NLGN1: variants seen among roughly 807,000 people sequenced by gnomAD.
NLGN1 encodes the protein neuroligin 1.
NLGN1 carries 12 observed loss-of-function variants against 65.5 expected under a neutral mutation model. That is an observed-to-expected ratio of 0.18 (90% CI 0.12 to 0.30). The LOEUF is 0.30. Ranked by LOEUF, NLGN1 falls within the 10% of genes least tolerant of loss-of-function variation. The pLI, the probability that NLGN1 is intolerant of heterozygous loss-of-function variation, is 1.00. For missense variants in NLGN1, 750 were observed against 1,007.1 expected (o/e 0.74, Z 3.46); for synonymous variants, 350 against 359.5 (o/e 0.97, Z 0.30).
At chr3:174,001,733 AG>A (rs1348012837) in intron 4 of NLGN1, among the ~76,000 whole-genome samples, 3 of 152,144 alleles carry the variant, frequency 2.0e-5, no homozygotes, top group Non-Finnish European at 4.4e-5. Flanking sequence ...GCATATGGAA[AG>A]CATTGGTTAA....
At chr3:173,926,909 G>T (rs1326436497) in intron 4 of NLGN1, among the ~76,000 whole-genome samples, 1 of 152,140 alleles carries the variant, frequency 6.6e-6, no homozygotes, top group Non-Finnish European at 1.5e-5. Context: ...TGCCTGTAAT[G>T]ATCTTGGTAG....
At chr3:174,066,233 C>T (rs1738515560) in intron 4 of NLGN1, among the ~76,000 whole-genome samples, 1 of 151,728 alleles carries the variant, frequency 6.6e-6, no homozygotes, top group Non-Finnish European at 1.5e-5. Context: ...AGTTTATTTT[C>T]CTTATTTTCT....
At chr3:174,142,940 AC>A (rs1306180151) in intron 4 of NLGN1, among the ~76,000 whole-genome samples, 1 of 152,160 alleles carries the variant, frequency 6.6e-6, no homozygotes, top group East Asian at 1.9e-4. Context: ...GCCTCAGGAA[AC>A]TTACAATCAT....
chr3:173,508,043 G>A (rs1331464027), intron 2 of NLGN1, among the ~76,000 whole-genome samples: 1 of 152,156 alleles, frequency 6.6e-6, no homozygotes, highest in African/African-American at 2.4e-5. Flanking sequence ...TGTAAATGCT[G>A]TCTTCAGGAC....
intron 3 of NLGN1, among the ~76,000 whole-genome samples, chr3:173,708,323 C>T (rs898820466): frequency 5.3e-5 from 8 of 152,162 alleles, no homozygotes; most frequent in African/African-American, 1.9e-4. Flanking sequence ...GAAGGCCCCT[C>T]CCTTGTTGCC....
At chr3:173,646,563 T>C (rs1372278950) in intron 3 of NLGN1, among the ~76,000 whole-genome samples, 1 of 152,242 alleles carries the variant, frequency 6.6e-6, no homozygotes, top group African/African-American at 2.4e-5. Flanking sequence ...AATCTGATTG[T>C]ATCATTACAC....
intron 4 of NLGN1, among the ~76,000 whole-genome samples, chr3:174,181,688 G>A (rs1730437438): frequency 6.6e-6 from 1 of 151,896 alleles, no homozygotes; most frequent in African/African-American, 2.4e-5. Flanking sequence ...CAGCATTTTG[G>A]GAAGCCAAGG....
In NLGN1 at chr3:174,048,480, G is replaced by C. The variant is rs186052995; in HGVS notation, c.647-226835G>C. Among the ~76,000 whole-genome samples, 147 of 152,002 alleles carry C rather than the reference G, an allele frequency of 9.7e-4. 2 individuals carry two copies. In the Middle Eastern group the frequency reaches 0.017, roughly 18 times the overall value. On this transcript the variant is annotated intron_variant, in intron 4 of 6. Coordinates refer to ENST00000457714, the Ensembl canonical transcript of NLGN1. The stretch of plus-strand genomic sequence containing the variant: ...TGGTCACAGACAAGTTGACAGTTTT[G>C]CAAAAACTTTAAGGAGACAGTTGGA...
chr3:173,617,865 C>T (rs1211250666), intron 3 of NLGN1, among the ~76,000 whole-genome samples: 1 of 152,066 alleles, frequency 6.6e-6, no homozygotes, highest in Non-Finnish European at 1.5e-5. Context: ...CTATTTTAAT[C>T]TTTTTCTTCT....
intron 4 of NLGN1, among the ~76,000 whole-genome samples, chr3:174,166,523 T>C (rs1561200821): frequency 6.6e-6 from 1 of 152,128 alleles, no homozygotes; most frequent in Non-Finnish European, 1.5e-5. Context: ...TTTCTATTTT[T>C]ACTTCACCAT....
intron 3 of NLGN1, among the ~76,000 whole-genome samples, chr3:173,655,600 A>G (rs2149666741): frequency 6.6e-6 from 1 of 152,110 alleles, no homozygotes; most frequent in Admixed American, 6.6e-5. Context: ...TCAAACCTCT[A>G]GTTCTCTGTT....
chr3:173,830,870 T>C (rs984061711), intron 4 of NLGN1, among the ~76,000 whole-genome samples: 1 of 152,206 alleles, frequency 6.6e-6, no homozygotes, highest in Non-Finnish European at 1.5e-5. Context: ...GTACTTCTAA[T>C]ATAGATTTTT....
chr3:174,063,872 C>A (rs1183699250), intron 4 of NLGN1, among the ~76,000 whole-genome samples: 1 of 151,870 alleles, frequency 6.6e-6, no homozygotes, highest in Non-Finnish European at 1.5e-5. Context: ...AAAGCAGATC[C>A]TAAAGGATTA....
chr3:173,759,517 A>T lies in NLGN1; in HGVS notation c.494-48163A>T, dbSNP rs139621239. Among the ~76,000 whole-genome samples the T allele has an allele frequency of 6.1e-3, 935 of 152,086 alleles. 13 individuals are homozygous for T. Among genetic ancestry groups the T allele is most frequent in the African/African-American group, 0.021 (858 of 41,524 alleles). ...CACGTTTTCACATTGCTTTCTTAAA[A>T]ATCTGTGACAGCTATTTCTTTGAGC... is the stretch of plus-strand genomic sequence containing the variant. On this transcript the variant is annotated intron_variant, in intron 3 of 6. Coordinates refer to ENST00000457714, the Ensembl canonical transcript of NLGN1.
chr3:173,501,483 C>T (rs938339088), intron 2 of NLGN1, among the ~76,000 whole-genome samples: 4 of 151,944 alleles, frequency 2.6e-5, no homozygotes, highest in South Asian at 2.1e-4. Flanking sequence ...GAACTTTAAG[C>T]CCCAGAGACT....
intron 3 of NLGN1, among the ~76,000 whole-genome samples, chr3:173,793,810 A>T (rs1300934465): frequency 6.6e-6 from 1 of 152,092 alleles, no homozygotes; most frequent in Non-Finnish European, 1.5e-5. Flanking sequence ...TATTTCTGAG[A>T]ATGATTTTGC....
chr3:174,149,509 TTA>T (rs1261691511), intron 4 of NLGN1, among the ~76,000 whole-genome samples: 2 of 152,176 alleles, frequency 1.3e-5, no homozygotes, highest in African/African-American at 4.8e-5. Context: ...TCTCTAATGT[TTA>T]TGCTTTGTTC....
At chr3:174,047,082 T>C (rs535525439) in intron 4 of NLGN1, among the ~76,000 whole-genome samples, 2 of 152,104 alleles carry the variant, frequency 1.3e-5, no homozygotes, top group South Asian at 4.1e-4. Flanking sequence ...CTGCCTTAAG[T>C]TGCTATGTTT....
chr3:174,024,380 G>A (rs73042140), intron 4 of NLGN1, among the ~76,000 whole-genome samples: 180 of 152,180 alleles, frequency 1.2e-3, no homozygotes, highest in African/African-American at 4.1e-3. Flanking sequence ...GAGAACAATA[G>A]GAGTGCATCC....
Sources: gnomAD v4.1 joint callset for allele counts (sites outside exome capture counted in the v4.1 genomes callset) on GRCh38, gnomAD v4.1.1 for gene constraint, MANE v1.5 for transcripts, NCBI Gene and HGNC (gene_info 2026-07-23, HGNC 2026-07-21) for gene names.